Variants in SGPP2 observed in about 807,000 individuals in gnomAD.
SGPP2 encodes sphingosine 1-phosphate phosphohydrolase 2.
Under a neutral mutation model 33.9 loss-of-function variants are expected in SGPP2, and 30 were observed. That is an observed-to-expected ratio of 0.89 (90% CI 0.66 to 1.20). The LOEUF (loss-of-function observed/expected upper bound fraction) is 1.20, where lower values mean the gene tolerates loss of function less well. Ranked by LOEUF, SGPP2 falls within the 50% of genes most tolerant of loss-of-function variation. SGPP2 has a pLI of 0.00. For synonymous variants in SGPP2, 233 were observed against 225.0 expected, an observed-to-expected ratio of 1.04 and a Z score of -0.32; for missense variants, 458 against 532.1, an observed-to-expected ratio of 0.86 and a Z score of 1.37.
At chr2:222,492,905 T>C (rs1488223478) in intron 2 of SGPP2, among the ~76,000 whole-genome samples, 6 of 152,208 alleles carry the variant, frequency 3.9e-5, no homozygotes, top group Admixed American at 3.9e-4. Flanking sequence ...TTGCTCCAGT[T>C]ACCAGGATGT....
Position 222,559,195 on chromosome 2 carries a change from C to T in SGPP2, c.*297C>T, listed in dbSNP as rs182203073. ...CCCCCCGCCCGGCCCCTGCTCCTCT[C>T]GCTGTTGCACGGGCTTTGGATCTAG... is the stretch of plus-strand genomic sequence containing the variant. On this transcript the variant is annotated 3_prime_UTR_variant, in exon 5 of 5. Coordinates refer to ENST00000321276, the MANE Select transcript of SGPP2 (RefSeq NM_152386.4). 3.9e-4 allele frequency: 87 copies of T among 224,212 alleles called. No homozygotes were observed. In the East Asian group the frequency reaches 6.9e-3, roughly 18 times the overall value. The allele number at this position is 224,212 out of a possible 1,614,324, so 13.9% of individuals were successfully genotyped here. A position where few individuals can be genotyped will look rare whatever the true frequency, so the allele number is the denominator to read the frequency against.
At chr2:222,548,544 C>T (rs1377388597) in intron 4 of SGPP2, among the ~76,000 whole-genome samples, 6 of 152,164 alleles carry the variant, frequency 3.9e-5, no homozygotes, top group African/African-American at 9.7e-5. Context: ...GCTCAGAGGA[C>T]GGTCATGACA....
intron 2 of SGPP2, among the ~76,000 whole-genome samples, chr2:222,481,622 C>T (rs769019135): frequency 5.3e-5 from 8 of 152,206 alleles, no homozygotes; most frequent in Non-Finnish European, 1.2e-4. Flanking sequence ...CCTCACCATT[C>T]CCTTTATGTC....
Position 222,550,380 on chromosome 2 carries a change from C to T in SGPP2, c.649-7967C>T, listed in dbSNP as rs932247338. Among the ~76,000 whole-genome samples, 16 of 151,904 alleles carry T rather than the reference C, an allele frequency of 1.1e-4. No individual in the cohort carries two copies. The highest frequency in any genetic ancestry group is 3.9e-4 in the African/African-American group (16 of 41,320). On this transcript the variant is annotated intron_variant, in intron 4 of 4. Transcript: ENST00000321276. The surrounding 1 kb of genome is among the most constrained non-coding windows in gnomAD (Gnocchi z 4.5). ...TTTCATTTTATTATAATAAAAATAA[C>T]AGGTATTGACTAGAAAATTTGGAAG...
chr2:222,528,934 A>G (rs74336714), intron 4 of SGPP2, among the ~76,000 whole-genome samples: 3,459 of 152,166 alleles, frequency 0.023, 142 homozygotes, highest in African/African-American at 0.076. Flanking sequence ...ATAGACAACA[A>G]TGAAGTTTGC....
intron 2 of SGPP2, among the ~76,000 whole-genome samples, chr2:222,520,107 G>A (rs1698660933): frequency 6.6e-6 from 1 of 152,196 alleles, no homozygotes. Flanking sequence ...TTTCCACAGT[G>A]ACTGAACTAA....
intron 1 of SGPP2, among the ~76,000 whole-genome samples, chr2:222,458,382 T>G (rs561683055): frequency 1.3e-5 from 2 of 152,236 alleles, no homozygotes; most frequent in South Asian, 4.2e-4. Flanking sequence ...GAAACTCTGC[T>G]CCTTAACATT....
At chr2:222,462,964 C>T (rs1697687562) in intron 1 of SGPP2, among the ~76,000 whole-genome samples, 1 of 152,138 alleles carries the variant, frequency 6.6e-6, no homozygotes, top group African/African-American at 2.4e-5. Context: ...TGTATGCACC[C>T]AACTTCAAAG....
At chr2:222,536,987 T>G (rs895469446) in intron 4 of SGPP2, among the ~76,000 whole-genome samples, 1 of 152,150 alleles carries the variant, frequency 6.6e-6, no homozygotes, top group African/African-American at 2.4e-5. Flanking sequence ...AATAAAGAAT[T>G]CACCTTCTTC....
chr2:222,538,243 C>G (rs1698942651), intron 4 of SGPP2, among the ~76,000 whole-genome samples: 2 of 152,040 alleles, frequency 1.3e-5, no homozygotes, highest in Non-Finnish European at 2.9e-5. Context: ...TGACCTGACT[C>G]TGAGCATTTG....
intron 4 of SGPP2, among the ~76,000 whole-genome samples, chr2:222,529,472 C>T (rs1175134707): frequency 6.6e-6 from 1 of 152,100 alleles, no homozygotes; most frequent in African/African-American, 2.4e-5. Context: ...GTAGCTGGGA[C>T]TACAGGCATG....
intron 4 of SGPP2, among the ~76,000 whole-genome samples, chr2:222,556,157 T>G (rs1480612012): frequency 6.6e-6 from 1 of 152,152 alleles, no homozygotes; most frequent in Non-Finnish European, 1.5e-5. Flanking sequence ...AGCTGCACAT[T>G]AAGTTGAGAG....
Position 222,424,753 on chromosome 2 carries a change from C to T in SGPP2, c.151C>T (p.Leu51Phe). 1 of 1,413,500 alleles carries T rather than the reference C, an allele frequency of 7.1e-7. No individual in the cohort carries two copies. The highest frequency in any genetic ancestry group is 9.2e-7 in the Non-Finnish European group (1 of 1,085,792). 87.6% of individuals were successfully genotyped at this position (1,413,500 alleles called of 1,614,324 possible). ...RAARVPGVEH[L>F]PAANGKGGEA... Reference sequence around the variant, plus strand: ...GGCGCGGGTCCCCGGGGTCGAGCATCTCCCCGCAGCCAACGGCAAGGGCGG... The same window carrying T: ...GGCGCGGGTCCCCGGGGTCGAGCATTTCCCCGCAGCCAACGGCAAGGGCGG... The change falls in exon 1 of 5, where the codon CTC becomes TTC. Residue 51 changes from leucine to phenylalanine, a missense_variant. Transcript: ENST00000321276.
At chr2:222,536,235 G>T (rs1220117865) in intron 4 of SGPP2, among the ~76,000 whole-genome samples, 1 of 152,160 alleles carries the variant, frequency 6.6e-6, no homozygotes. Context: ...AATGCAAAAA[G>T]CACTGTCTTC....
chr2:222,517,415 G>A (rs533402845), intron 2 of SGPP2, among the ~76,000 whole-genome samples: 5 of 152,178 alleles, frequency 3.3e-5, no homozygotes, highest in African/African-American at 1.2e-4. Flanking sequence ...AGAGGAGATC[G>A]GCTGCTGGAT....
chr2:222,433,001 A>G (rs975818538), intron 1 of SGPP2, among the ~76,000 whole-genome samples: 2 of 150,696 alleles, frequency 1.3e-5, no homozygotes, highest in East Asian at 2.0e-4. Context: ...AGCCTGGGCA[A>G]TAAGAGCGAA....
At chr2:222,493,791 AT>A (rs752110276) in intron 2 of SGPP2, among the ~76,000 whole-genome samples, 1 of 152,224 alleles carries the variant, frequency 6.6e-6, no homozygotes, top group African/African-American at 2.4e-5. Context: ...CCTAAAATTA[AT>A]GATCTCTTTG....
intron 4 of SGPP2, among the ~76,000 whole-genome samples, chr2:222,529,337 ATTTT>A (rs1038357715): frequency 1.3e-5 from 2 of 151,824 alleles, no homozygotes; most frequent in African/African-American, 4.8e-5. Flanking sequence ...TATTTTATTT[ATTTT>A]TTTAATTTTT....
intron 4 of SGPP2, among the ~76,000 whole-genome samples, chr2:222,552,105 G>T (rs993736771): frequency 6.6e-6 from 1 of 152,136 alleles, no homozygotes; most frequent in Non-Finnish European, 1.5e-5. Flanking sequence ...TTATCCACTA[G>T]TTGACTGATG....
Sources: gnomAD v4.1 joint callset for allele counts (sites outside exome capture counted in the v4.1 genomes callset) on GRCh38, gnomAD v4.1.1 for gene constraint, Gnocchi (gnomAD v3.1) non-coding constraint, MANE v1.5 for transcripts, NCBI Gene and HGNC (gene_info 2026-07-23, HGNC 2026-07-21) for gene names.